The following STAC variants were observed in gnomAD, a reference collection of about 807,000 sequenced individuals.
STAC encodes SH3 and cysteine-rich domain-containing protein.
Under a neutral mutation model 48.8 loss-of-function variants are expected in STAC, and 43 were observed. That is an observed-to-expected ratio of 0.88 (90% confidence interval 0.69 to 1.14). The LOEUF (loss-of-function observed/expected upper bound fraction) is 1.14. STAC is among the 50% of genes most tolerant of loss of function. The pLI is 0.00. For synonymous variants in STAC, 193 were observed against 179.5 expected (o/e 1.07, Z -0.60); for missense variants, 497 against 504.0 (o/e 0.99, Z 0.13).
intron 1 of STAC, among the ~76,000 whole-genome samples, chr3:36,430,870 C>T (rs1197800283): frequency 6.6e-6 from 1 of 152,116 alleles, no homozygotes; most frequent in Non-Finnish European, 1.5e-5. Flanking sequence ...CCAGTCAGAT[C>T]GGACTAGGGT....
At chr3:36,515,234 G>A (rs1235668698) in intron 8 of STAC, among the ~76,000 whole-genome samples, 7 of 151,968 alleles carry the variant, frequency 4.6e-5, no homozygotes, top group East Asian at 1.9e-4. Flanking sequence ...AAATAACAAT[G>A]GTTTTAAGAC....
chr3:36,514,835 G>A (rs757732753), intron 8 of STAC, among the ~76,000 whole-genome samples: 5 of 152,056 alleles, frequency 3.3e-5, no homozygotes, highest in African/African-American at 4.8e-5. Context: ...AGGAGTTGGA[G>A]ACCAGTCTGG....
rs113688721 is a variant in STAC, at chr3:36,386,924, G to A, written c.111+6170G>A. ...ATCAATTTGCACAAAAACACCTGCT[G>A]GGATTCTGAATGGAACTGCATTGAA... On this transcript the variant is annotated intron_variant, in intron 1 of 10. Transcript: ENST00000273183. 8.1e-3 allele frequency among the ~76,000 whole-genome samples: 1,236 copies of A among 152,140 alleles called. 15 individuals are homozygous for A. The highest frequency in any genetic ancestry group is 0.028 in the African/African-American group (1,151 of 41,524).
intron 2 of STAC, among the ~76,000 whole-genome samples, chr3:36,478,291 C>G (rs531246788): frequency 1.3e-5 from 2 of 152,158 alleles, no homozygotes; most frequent in Admixed American, 6.5e-5. Flanking sequence ...CAATTTATGC[C>G]CTATTGTGAC....
intron 1 of STAC, among the ~76,000 whole-genome samples, chr3:36,421,935 T>G (rs1171258845): frequency 6.6e-6 from 1 of 152,108 alleles, no homozygotes; most frequent in African/African-American, 2.4e-5. Flanking sequence ...ATTTTGAAGA[T>G]TATGTTTATT....
In STAC at chr3:36,546,644, G is replaced by A. The variant is rs1403155275; in HGVS notation, c.*355G>A. 3.3e-5 allele frequency: 10 copies of A among 302,136 alleles called. No homozygotes were observed. The East Asian group carries it at 5.5e-4, about 17-fold the overall frequency. 18.7% of individuals were successfully genotyped at this position (302,136 alleles called of 1,614,324 possible). On this transcript the variant is annotated 3_prime_UTR_variant, in exon 11 of 11. Transcript: ENST00000273183. ...ACTGGAGTGTGCTCCAGTTTGCAGGGTAGCCCAGTGCAAGGTTCAGATCCA... is the reference window on the plus strand; with the variant it reads ...ACTGGAGTGTGCTCCAGTTTGCAGGATAGCCCAGTGCAAGGTTCAGATCCA...
chr3:36,521,987 G>T (rs955185968), intron 8 of STAC, among the ~76,000 whole-genome samples: 2 of 152,058 alleles, frequency 1.3e-5, no homozygotes, highest in African/African-American at 4.8e-5. Flanking sequence ...TACTTGGGAG[G>T]CTGAGCAGGA....
chr3:36,484,240 G>A (rs747121986), intron 3 of STAC, among the ~76,000 whole-genome samples: 7 of 152,204 alleles, frequency 4.6e-5, no homozygotes, highest in Non-Finnish European at 7.3e-5. Flanking sequence ...ATCACTGACA[G>A]TGTAACGACA....
chr3:36,489,619 C>G (rs577151223), intron 5 of STAC, among the ~76,000 whole-genome samples: 1 of 152,230 alleles, frequency 6.6e-6, no homozygotes, highest in Non-Finnish European at 1.5e-5. Flanking sequence ...ATTAGACTAA[C>G]CTCCTTAAAT....
intron 2 of STAC, among the ~76,000 whole-genome samples, chr3:36,473,425 G>A (rs1209886117): frequency 6.6e-6 from 1 of 152,138 alleles, no homozygotes; most frequent in African/African-American, 2.4e-5. Context: ...TCACTATGGG[G>A]AATTGCAGAT....
intron 5 of STAC, among the ~76,000 whole-genome samples, chr3:36,490,630 C>G (rs907531124): frequency 6.6e-6 from 1 of 152,032 alleles, no homozygotes; most frequent in African/African-American, 2.4e-5. Flanking sequence ...TCTATCTGCA[C>G]GAGCAGTAGA....
intron 5 of STAC, among the ~76,000 whole-genome samples, chr3:36,489,900 C>G (rs79324300): frequency 6.6e-6 from 1 of 152,196 alleles, no homozygotes; most frequent in Non-Finnish European, 1.5e-5. Flanking sequence ...GTCTCCGGAT[C>G]TGCAGCATCA....
intron 1 of STAC, among the ~76,000 whole-genome samples, chr3:36,398,696 A>AAGAAAGAAAGAAAGAG (rs1699939555): frequency 6.6e-6 from 1 of 151,554 alleles, no homozygotes; most frequent in Admixed American, 6.6e-5. Context: ...AAAGAAAAGA[A>AAGAAAGAAAGAAAGAG]AGAAAGAAAG....
chr3:36,385,774 C>T (rs1158173292), intron 1 of STAC, among the ~76,000 whole-genome samples: 2 of 152,070 alleles, frequency 1.3e-5, no homozygotes, highest in Admixed American at 1.3e-4. Context: ...TGCCTGACTT[C>T]TTTCACTCAA....
At chr3:36,529,015 T>G (rs1248111642) in intron 10 of STAC, 30 bp downstream of exon 10, 16 of 1,566,490 alleles carry the variant, frequency 1.0e-5, no homozygotes, top group Non-Finnish European at 1.3e-5. Flanking sequence ...ACATTCCAGA[T>G]ATGAGCCAAA....
At chr3:36,513,752 A>G (rs1698599989) in intron 8 of STAC, among the ~76,000 whole-genome samples, 1 of 152,258 alleles carries the variant, frequency 6.6e-6, no homozygotes, top group Admixed American at 6.5e-5. Flanking sequence ...TCTGGTACAT[A>G]GTAGGACCTT....
intron 2 of STAC, among the ~76,000 whole-genome samples, chr3:36,474,410 A>G (rs1208676215): frequency 2.0e-5 from 3 of 152,180 alleles, no homozygotes; most frequent in African/African-American, 7.2e-5. Context: ...TTTTATCTTT[A>G]TCATAGACAG....
At chr3:36,514,792 T>C (rs1424993959) in intron 8 of STAC, among the ~76,000 whole-genome samples, 2 of 152,126 alleles carry the variant, frequency 1.3e-5, no homozygotes, top group Non-Finnish European at 1.5e-5. Context: ...CCCAACACTT[T>C]GGGAGGCCAA....
At chr3:36,508,278 T>A (rs930060502) in intron 8 of STAC, among the ~76,000 whole-genome samples, 4 of 152,208 alleles carry the variant, frequency 2.6e-5, no homozygotes, top group Non-Finnish European at 5.9e-5. Context: ...CACTGTGGTC[T>A]GAGAGACTGT....
Sources: allele counts gnomAD v4.1 joint callset (sites outside exome capture counted in the v4.1 genomes callset), GRCh38; gene constraint gnomAD v4.1.1; transcripts MANE v1.5; gene names NCBI Gene and HGNC (gene_info 2026-07-23, HGNC 2026-07-21).